FCRL5: variants seen among roughly 807,000 people sequenced by gnomAD.
FCRL5 encodes Fc receptor like 5.
A neutral mutation model predicts 92.1 loss-of-function variants in FCRL5; 79 were observed. The observed-to-expected ratio is 0.86, with a 90% CI of 0.72 to 1.03. The LOEUF is 1.03. FCRL5 is among the 50% of genes least tolerant of loss of function. FCRL5 has a pLI of 0.00. For synonymous variants in FCRL5, 466 were observed against 469.3 expected, an observed-to-expected ratio of 0.99 and a Z score of 0.09; for missense variants, 1,160 against 1,181.1, an observed-to-expected ratio of 0.98 and a Z score of 0.26.
At chr1:157,544,692 A>G in intron 4 of FCRL5, 139 bp downstream of exon 4, 1 of 1,420,266 alleles carries the variant, frequency 7.0e-7, no homozygotes. Flanking sequence ...AAACACTACT[A>G]TACTTCCTCT....
At position 157,519,777 on chromosome 1, in the gene FCRL5, A is replaced by T; in HGVS notation, c.2633-7T>A. ...TCAGAGGCAGGCTTTCTCCCTGTAAAGGAAAGCAGAGGAGCATTGGATTCA... is the reference window on the plus strand; with the variant it reads ...TCAGAGGCAGGCTTTCTCCCTGTAATGGAAAGCAGAGGAGCATTGGATTCA... On this transcript the variant is annotated splice_polypyrimidine_tract_variant and splice_region_variant and intron_variant, in intron 12 of 16. Coordinates refer to ENST00000361835, the MANE Select transcript of FCRL5 (RefSeq NM_031281.3). The T allele has an allele frequency of 2.5e-6, 4 of 1,613,946 alleles. No homozygotes were observed. The highest frequency in any genetic ancestry group is 3.4e-6 in the Non-Finnish European group (4 of 1,179,932).
intron 2 of FCRL5, among the ~76,000 whole-genome samples, chr1:157,547,975 T>C (rs73011586): frequency 0.13 from 19,626 of 152,254 alleles, 1,923 homozygotes; most frequent in African/African-American, 0.28. Context: ...TGGAGGATTT[T>C]ACTCCAAAGT....
In FCRL5 at chr1:157,521,163, T is replaced by A. The variant is rs1650169341; in HGVS notation, c.2369A>T (p.Asp790Val). Residue 790 changes from aspartate to valine, a missense_variant, in exon 11 of 17, where the codon GAT (aspartate) becomes GTT (valine). Physicochemically the swap from Asp to Val is radical, Grantham distance 152. Coordinates refer to ENST00000361835, the MANE Select transcript of FCRL5 (RefSeq NM_031281.3). ...GGACGACCTATTTCCTAGGGTGACA[T>A]CCTCATGAAAAAACCGGTACAGGAT... ...PLILYRFFHE[D>V]VTLGNRSSPS... 8 of 1,614,038 alleles carry A rather than the reference T, an allele frequency of 5.0e-6. No homozygotes were observed. In the East Asian group the frequency reaches 1.8e-4, roughly 36 times the overall value.
chr1:157,547,512 A>G, intron 2 of FCRL5: 1 of 479,456 alleles, frequency 2.1e-6, no homozygotes, highest in Non-Finnish European at 3.9e-6. Flanking sequence ...CTGCCATTTC[A>G]TCATGTTCAT....
At chr1:157,538,025 G>A (rs575905903) in intron 7 of FCRL5, among the ~76,000 whole-genome samples, 1 of 152,308 alleles carries the variant, frequency 6.6e-6, no homozygotes, top group African/African-American at 2.4e-5. Flanking sequence ...ATCCTTAGAT[G>A]TCACTACATC....
Position 157,520,516 on chromosome 1 carries a change from G to A in FCRL5, c.2547C>T (p.Ala849=). The A allele has an allele frequency of 1.9e-6, 3 of 1,579,200 alleles. No homozygotes were observed. The highest frequency in any genetic ancestry group is 2.6e-6 in the Non-Finnish European group (3 of 1,162,430). The stretch of plus-strand genomic sequence containing the variant: ...TGAGCAGGCCCCCGGCGACTCCTGT[G>A]GCAAAAGGGCCACTTCTGTTCGCGG... ...GLTANRSGPF[A]TGVAGGLLSI... is the part of the protein sequence containing the mutation. The change falls in exon 12 of 17, where the codon GCC becomes GCT. Residue 849 remains alanine (A), a synonymous_variant. Transcript: ENST00000361835.
intron 13 of FCRL5, 22 bp from the exon 14 acceptor site, chr1:157,518,804 A>G (rs376361129): frequency 6.3e-7 from 1 of 1,590,286 alleles, no homozygotes; most frequent in Non-Finnish European, 8.6e-7. Flanking sequence ...AGAAATGTGA[A>G]TGTTTCTTAG....
chr1:157,548,397 C>T (rs1651654468), intron 2 of FCRL5, among the ~76,000 whole-genome samples: 1 of 150,834 alleles, frequency 6.6e-6, no homozygotes, highest in Non-Finnish European at 1.5e-5. Context: ...GTCTAAAACA[C>T]CAAAAGCAAT....
chr1:157,521,273 G>T lies in FCRL5; in HGVS notation c.2259C>A (p.Val753=), dbSNP rs1373522092. 3.1e-6 allele frequency: 5 copies of T among 1,609,254 alleles called. No individual in the cohort carries two copies. The highest frequency in any genetic ancestry group is 4.2e-6 in the Non-Finnish European group (5 of 1,178,484). The stretch of plus-strand genomic sequence containing the variant: ...GGGTCCCGGGAGCCCTGAGGGTGAG[G>T]ACCGGGCGAGACACCGGAACTGAAA... The part of the protein sequence containing the change: ...LKVAVPVSRP[V]LTLRAPGTHA... The change falls in exon 11 of 17, where the codon GTC becomes GTA. Residue 753 remains valine (V), a synonymous_variant. Coordinates refer to ENST00000361835, the MANE Select transcript of FCRL5 (RefSeq NM_031281.3).
intron 11 of FCRL5, among the ~76,000 whole-genome samples, chr1:157,520,808 C>A (rs1251686201): frequency 6.6e-6 from 1 of 152,232 alleles, no homozygotes; most frequent in Non-Finnish European, 1.5e-5. Context: ...AAGTCAGTGG[C>A]GCTCTTGCGC....
chr1:157,529,609 G>C (rs995370259), intron 8 of FCRL5, among the ~76,000 whole-genome samples: 1 of 152,106 alleles, frequency 6.6e-6, no homozygotes, highest in South Asian at 2.1e-4. Flanking sequence ...GTGTGTGTGT[G>C]TGTGTGTACA....
In FCRL5 at chr1:157,544,802, C is replaced by T. The variant is rs774138691; in HGVS notation, c.559+29G>A. On this transcript the variant is annotated intron_variant, in intron 4 of 16. Transcript: ENST00000361835. The stretch of plus-strand genomic sequence containing the variant: ...CCCCAAGGAATCTCCTTTTGACCAA[C>T]TCACTTCACAAAATAATGAAGGCTT... The T allele has an allele frequency of 1.9e-6, 3 of 1,613,064 alleles. No individual in the cohort carries two copies. The African/African-American group carries it at 4.0e-5, about 22-fold the overall frequency.
At chr1:157,526,393 A>G (rs367564739) in intron 9 of FCRL5, among the ~76,000 whole-genome samples, 1 of 152,110 alleles carries the variant, frequency 6.6e-6, no homozygotes, top group South Asian at 2.1e-4. Flanking sequence ...TGGGTAACTG[A>G]CTGTTTTTGG....
intron 10 of FCRL5, chr1:157,523,963 T>C (rs1650311155): frequency 2.4e-6 from 1 of 420,244 alleles, no homozygotes; most frequent in Non-Finnish European, 4.2e-6. Context: ...GAGAAACATA[T>C]GCTCAGAATT....
intron 2 of FCRL5, chr1:157,547,410 T>A (rs1331362486): frequency 1.3e-6 from 1 of 748,466 alleles, no homozygotes; most frequent in East Asian, 2.5e-5. Flanking sequence ...GCAAAATGAT[T>A]TCAGGAGGGT....
At position 157,514,457 on chromosome 1, in the gene FCRL5, G is replaced by A. The variant is rs1405201370; in HGVS notation, c.*1218C>T. 3 of 152,232 alleles carry A rather than the reference G, an allele frequency of 2.0e-5. No homozygotes were observed. The allele number at this position is 152,232 out of a possible 1,614,324, so 9.4% of individuals were successfully genotyped here. Reference sequence around the variant, plus strand: ...AGAAGAAGCTCTCTCAGCAACAGCAGCTGGTGGTGCTGTGGCCAAAGGCTG... The same window carrying A: ...AGAAGAAGCTCTCTCAGCAACAGCAACTGGTGGTGCTGTGGCCAAAGGCTG... On this transcript the variant is annotated 3_prime_UTR_variant, in exon 17 of 17. Transcript: ENST00000361835.
At chr1:157,542,806 T>A in intron 6 of FCRL5, 53 bp downstream of exon 6, 4 of 1,573,844 alleles carry the variant, frequency 2.5e-6, no homozygotes, top group Non-Finnish European at 2.6e-6. Flanking sequence ...AAGGGCAGGG[T>A]GAGGCAGGAC....
At position 157,514,502 on chromosome 1, in the gene FCRL5, C is replaced by G. The variant is rs1203677441; in HGVS notation, c.*1173G>C. ...AGGCTGGCCAGGGAGCAGCACGATC[C>G]GTGTGAACCGAGTTGGGCCCTGGGC... On this transcript the variant is annotated 3_prime_UTR_variant, in exon 17 of 17. Transcript: ENST00000361835. The G allele has an allele frequency of 6.6e-6, 1 of 152,214 alleles. No individual in the cohort carries two copies. Among genetic ancestry groups the G allele is most frequent in the Non-Finnish European group, 1.5e-5 (1 of 68,058 alleles). 9.4% of individuals were successfully genotyped at this position (152,214 alleles called of 1,614,324 possible).
At chr1:157,550,161 T>C (rs1651752263) in intron 1 of FCRL5, among the ~76,000 whole-genome samples, 2 of 152,018 alleles carry the variant, frequency 1.3e-5, no homozygotes, top group Non-Finnish European at 2.9e-5. Flanking sequence ...GCTCAGGAAC[T>C]GGGAGTGTTG....
Sources: allele counts gnomAD v4.1 joint callset (sites outside exome capture counted in the v4.1 genomes callset), GRCh38; gene constraint gnomAD v4.1.1; transcripts MANE v1.5; gene names NCBI Gene and HGNC (gene_info 2026-07-23, HGNC 2026-07-21).